The following CELF2 variants were observed in gnomAD, a reference collection of about 807,000 sequenced individuals.
The protein encoded by CELF2 is CUG triplet repeat RNA-binding protein 2.
A neutral mutation model predicts 62.6 loss-of-function variants in CELF2; 8 were observed. The observed-to-expected ratio is 0.13, with a 90% CI of 0.07 to 0.23. The LOEUF (loss-of-function observed/expected upper bound fraction) is 0.23. Ranked by LOEUF, CELF2 falls within the 10% of genes least tolerant of loss-of-function variation. The pLI is 1.00. For missense variants in CELF2, 333 were observed against 671.0 expected (o/e 0.50, Z 5.56); for synonymous variants, 258 against 250.0 (o/e 1.03, Z -0.30).
At chr10:10,588,836 G>T in the CELF2 span, among the ~76,000 whole-genome samples, 1 of 152,130 alleles carries the variant, frequency 6.6e-6, no homozygotes, top group African/African-American at 2.4e-5. Context: ...ATCCTATTCT[G>T]GTGTGGATGC....
chr10:10,695,592 T>C, the CELF2 span, among the ~76,000 whole-genome samples: 5 of 151,754 alleles, frequency 3.3e-5, no homozygotes, highest in Non-Finnish European at 7.4e-5. Flanking sequence ...GATAATATCC[T>C]GCAGAGTGTT....
the CELF2 span, among the ~76,000 whole-genome samples, chr10:10,781,057 T>C: frequency 2.6e-5 from 4 of 152,172 alleles, no homozygotes; most frequent in Non-Finnish European, 4.4e-5. Flanking sequence ...AGAAAGCACG[T>C]TGTGAAAATG....
chr10:10,718,985 CTTTTTTTTT>C, the CELF2 span, among the ~76,000 whole-genome samples: 53 of 125,128 alleles, frequency 4.2e-4, no homozygotes, highest in East Asian at 9.5e-3. Flanking sequence ...TTATTATTCT[CTTTTTTTTT>C]TTTTTTTTTT....
intron 7 of CELF2, among the ~76,000 whole-genome samples, chr10:11,271,260 A>T (rs552097299): frequency 1.2e-4 from 19 of 152,324 alleles, no homozygotes; most frequent in East Asian, 1.2e-3. Context: ...AGTGTTTCTT[A>T]CTTCATCTAT....
At chr10:10,465,864 G>A in the CELF2 span, among the ~76,000 whole-genome samples, 113 of 152,130 alleles carry the variant, frequency 7.4e-4, 1 homozygote, top group East Asian at 0.019. Context: ...CTCTGTGTTC[G>A]TGTTGAATTG....
At chr10:10,706,358 T>C in the CELF2 span, among the ~76,000 whole-genome samples, 78 of 152,286 alleles carry the variant, frequency 5.1e-4, no homozygotes, top group Admixed American at 1.1e-3. Flanking sequence ...AATGAGTGAA[T>C]GGACATCAGT....
Position 10,946,211 on chromosome 10 carries a change from A to G in CELF2, c.89+26212A>G, listed in dbSNP as rs1423076071. 3 of 152,544 alleles carry G rather than the reference A, an allele frequency of 2.0e-5. No homozygotes were observed. In the East Asian group the frequency reaches 5.8e-4, roughly 29 times the overall value. The allele number at this position is 152,544 out of a possible 1,614,324, so 9.4% of individuals were successfully genotyped here. On this transcript the variant is annotated intron_variant, in intron 2 of 13. Coordinates refer to the CELF2 transcript ENST00000636488. Reference sequence around the variant, plus strand: ...CTCTGGCTCATAATGGGAAGATAATATAGGCTGGGAGAGATTTATATGAGC... The same window carrying G: ...CTCTGGCTCATAATGGGAAGATAATGTAGGCTGGGAGAGATTTATATGAGC...
At chr10:11,026,516 A>C (rs1289934976) in intron 1 of CELF2, among the ~76,000 whole-genome samples, 1 of 152,168 alleles carries the variant, frequency 6.6e-6, no homozygotes, top group Non-Finnish European at 1.5e-5. Flanking sequence ...CAAAAGTGTG[A>C]AGACAGAAAG....
At chr10:10,683,092 T>C in the CELF2 span, among the ~76,000 whole-genome samples, 2 of 152,222 alleles carry the variant, frequency 1.3e-5, no homozygotes, top group East Asian at 3.8e-4. Context: ...ATAATTAATT[T>C]GCCCTCTTAA....
intron 1 of CELF2, among the ~76,000 whole-genome samples, chr10:10,853,714 G>A (rs934541308): frequency 9.2e-5 from 14 of 152,012 alleles, no homozygotes; most frequent in Non-Finnish European, 1.6e-4. Context: ...CTTGAGAGTG[G>A]GGAGCTGGCC....
the CELF2 span, among the ~76,000 whole-genome samples, chr10:10,596,022 G>A: frequency 6.6e-6 from 1 of 152,198 alleles, no homozygotes; most frequent in African/African-American, 2.4e-5. Flanking sequence ...CAATAAAGCT[G>A]TTTTCTTCTG....
chr10:10,992,871 G>A (rs1223541330), intron 2 of CELF2, among the ~76,000 whole-genome samples: 1 of 152,206 alleles, frequency 6.6e-6, no homozygotes, highest in Non-Finnish European at 1.5e-5. Flanking sequence ...GGAACTTGAA[G>A]TCTGTAGACC....
At chr10:10,989,446 C>T (rs1233648593) in intron 2 of CELF2, among the ~76,000 whole-genome samples, 1 of 152,036 alleles carries the variant, frequency 6.6e-6, no homozygotes, top group Non-Finnish European at 1.5e-5. Flanking sequence ...ACCCCAAAAA[C>T]CCCAGGGAAA....
the CELF2 span, among the ~76,000 whole-genome samples, chr10:10,634,077 T>C: frequency 6.6e-6 from 1 of 152,136 alleles, no homozygotes; most frequent in Non-Finnish European, 1.5e-5. Flanking sequence ...TTTACTTTAC[T>C]ATATATGCTC....
intron 11 of CELF2, among the ~76,000 whole-genome samples, chr10:11,323,322 C>A (rs1237974197): frequency 6.6e-6 from 1 of 151,936 alleles, no homozygotes; most frequent in Non-Finnish European, 1.5e-5. Context: ...CTCTTCTGAT[C>A]CCTTTCTCAC....
At chr10:10,877,573 G>A (rs191026055) in intron 1 of CELF2, among the ~76,000 whole-genome samples, 1 of 152,348 alleles carries the variant, frequency 6.6e-6, no homozygotes, top group East Asian at 1.9e-4. Context: ...AGGCAGTTTT[G>A]CCCTGAGCAG....
chr10:11,129,346 T>TG lies in CELF2; in HGVS notation c.75-36139dup, dbSNP rs533443666. 2.1e-3 allele frequency among the ~76,000 whole-genome samples: 321 copies of TG among 152,312 alleles called. 2 individuals carry two copies. The highest frequency in any genetic ancestry group is 7.0e-3 in the African/African-American group (293 of 41,568). On this transcript the variant is annotated intron_variant, in intron 1 of 12. Transcript: ENST00000633077. ...ATATTGGTCTAAAACTCTCTTTTTT[T>TG]GTTGTGTCTCTGCCAGGCTTTGGTA...
rs1327638330 is a variant in CELF2, at chr10:11,247,107, G to A, written c.355-2046G>A. 6.6e-6 allele frequency among the ~76,000 whole-genome samples: 1 copy of A among 152,196 alleles called. No homozygotes were observed. The highest frequency in any genetic ancestry group is 2.4e-5 in the African/African-American group (1 of 41,450). On this transcript the variant is annotated intron_variant, in intron 3 of 12. Transcript: ENST00000633077. This position sits in a 1 kb window ranked among gnomAD's most constrained non-coding sequence, Gnocchi z 5.4. ...CAGCAGCCTCTTAACTGTCCTCCCTGCCTGTGTCTCTCGTCTGTAATCCAC... is the reference window on the plus strand; with the variant it reads ...CAGCAGCCTCTTAACTGTCCTCCCTACCTGTGTCTCTCGTCTGTAATCCAC...
intron 2 of CELF2, among the ~76,000 whole-genome samples, chr10:10,952,961 C>T (rs931730349): frequency 1.3e-5 from 2 of 152,092 alleles, no homozygotes; most frequent in East Asian, 1.9e-4. Flanking sequence ...AAAGATGATG[C>T]TACAGAACAG....
Sources: gnomAD v4.1 joint callset for allele counts (sites outside exome capture counted in the v4.1 genomes callset) on GRCh38, gnomAD v4.1.1 for gene constraint, Gnocchi (gnomAD v3.1) non-coding constraint, MANE v1.5 for transcripts, NCBI Gene and HGNC (gene_info 2026-07-23, HGNC 2026-07-21) for gene names.